RNF24: variants seen among roughly 807,000 people sequenced by gnomAD.
RNF24 encodes ring finger protein 24.
Under a neutral mutation model 20.0 loss-of-function variants are expected in RNF24, and 14 were observed. The ratio of observed to expected loss-of-function variants is 0.70; its 90% confidence interval spans 0.46 to 1.10. RNF24 has a LOEUF of 1.10. Among genes scored for constraint, RNF24 ranks in the 50% least tolerant of loss-of-function variants. The pLI is 0.00. For synonymous variants in RNF24, 45 were observed against 61.1 expected (o/e 0.74, Z 1.23); for missense variants, 124 against 177.6 (o/e 0.70, Z 1.71).
rs2146923165 is a variant in RNF24 at position 3,929,189 on chromosome 20, T to G, written c.*4874A>C. 1 of 151,874 alleles carries G rather than the reference T, an allele frequency of 6.6e-6. No homozygotes were observed. The highest frequency in any genetic ancestry group is 1.5e-5 in the Non-Finnish European group (1 of 67,954). 9.4% of individuals were successfully genotyped at this position (151,874 alleles called of 1,614,324 possible). A position where few individuals can be genotyped will look rare whatever the true frequency, so the allele number is the denominator to read the frequency against. On this transcript the variant is annotated 3_prime_UTR_variant, in exon 6 of 6. Transcript: ENST00000358395. ...TTCTTTTCAAAGTGTGTGCACAGAG[T>G]GAGGAGGCCAGCCTGGGCAACATAG...
At chr20:3,937,270 G>A (rs1476210651) in intron 4 of RNF24, among the ~76,000 whole-genome samples, 1 of 152,062 alleles carries the variant, frequency 6.6e-6, no homozygotes, top group Non-Finnish European at 1.5e-5. Context: ...AAAGTCAATG[G>A]CAATCACAAA....
chr20:3,996,698 T>C (rs1980896075), intron 1 of RNF24, among the ~76,000 whole-genome samples: 1 of 152,186 alleles, frequency 6.6e-6, no homozygotes, highest in Admixed American at 6.6e-5. Flanking sequence ...GCACATGAAG[T>C]TGTCTGGGAA....
intron 2 of RNF24, among the ~76,000 whole-genome samples, chr20:3,962,303 G>A (rs955389682): frequency 6.6e-6 from 1 of 152,266 alleles, no homozygotes; most frequent in East Asian, 1.9e-4. Context: ...GTAGTGAGCA[G>A]AGACTGTGCC....
chr20:3,971,149 T>C (rs1377616198), intron 1 of RNF24, among the ~76,000 whole-genome samples: 1 of 151,982 alleles, frequency 6.6e-6, no homozygotes, highest in African/African-American at 2.4e-5. Context: ...GGAGATACCA[T>C]TGGGGGAAAT....
intron 1 of RNF24, among the ~76,000 whole-genome samples, chr20:3,986,417 A>AT (rs1424725703): frequency 6.6e-6 from 1 of 151,692 alleles, no homozygotes; most frequent in African/African-American, 2.4e-5. Flanking sequence ...ATACTCAGCT[A>AT]TTTTTTGAAT....
At chr20:3,955,605 T>C (rs963106557) in intron 2 of RNF24, among the ~76,000 whole-genome samples, 4 of 152,214 alleles carry the variant, frequency 2.6e-5, no homozygotes, top group African/African-American at 9.6e-5. Flanking sequence ...CTGCTTTGGC[T>C]ATTTGGGGCC....
intron 1 of RNF24, among the ~76,000 whole-genome samples, chr20:3,978,974 C>T (rs1467824061): frequency 6.6e-6 from 1 of 151,496 alleles, no homozygotes; most frequent in African/African-American, 2.4e-5. Context: ...GGCGCGGTGG[C>T]GTGCGCCTGT....
intron 1 of RNF24, among the ~76,000 whole-genome samples, chr20:3,982,792 G>A (rs1979535657): frequency 6.6e-6 from 1 of 152,056 alleles, no homozygotes; most frequent in South Asian, 2.1e-4. Context: ...GGGATGTTGA[G>A]GTGGAAGGAC....
chr20:3,944,988 G>A (rs1395155490), intron 4 of RNF24, among the ~76,000 whole-genome samples, 189 bp downstream of exon 4: 1 of 152,122 alleles, frequency 6.6e-6, no homozygotes, highest in African/African-American at 2.4e-5. Context: ...TTAAAAGTAT[G>A]AGTTATATTA....
intron 1 of RNF24, among the ~76,000 whole-genome samples, chr20:3,983,636 A>G (rs1979619382): frequency 1.3e-5 from 2 of 152,088 alleles, no homozygotes. Flanking sequence ...ATATCACCTA[A>G]AATAATTATA....
At chr20:4,006,979 T>G (rs1981923493) in intron 1 of RNF24, among the ~76,000 whole-genome samples, 1 of 152,250 alleles carries the variant, frequency 6.6e-6, no homozygotes, top group African/African-American at 2.4e-5. Flanking sequence ...CATCTGGCAT[T>G]CTTTTAGAAC....
intron 2 of RNF24, among the ~76,000 whole-genome samples, chr20:3,952,713 T>C (rs1439295598): frequency 6.6e-6 from 1 of 152,126 alleles, no homozygotes; most frequent in Non-Finnish European, 1.5e-5. Context: ...AGATACTCTT[T>C]CAAATTTTAG....
intron 1 of RNF24, among the ~76,000 whole-genome samples, chr20:3,982,460 C>T (rs1158511415): frequency 1.3e-5 from 2 of 151,434 alleles, no homozygotes. Context: ...GCCTGTAATC[C>T]CAGCTACTCG....
intron 1 of RNF24, among the ~76,000 whole-genome samples, chr20:3,969,028 TG>T (rs1183048884): frequency 6.6e-6 from 1 of 152,166 alleles, no homozygotes; most frequent in Admixed American, 6.5e-5. Flanking sequence ...GTCAGTAATT[TG>T]GGGCTTGTTT....
Position 3,934,659 on chromosome 20 carries a change from A to G in RNF24, c.308+335T>C, listed in dbSNP as rs2090868847. On this transcript the variant is annotated intron_variant, in intron 5 of 5. Transcript: ENST00000358395. This position sits in a 1 kb window ranked among gnomAD's most constrained non-coding sequence, Gnocchi z 4.0. ...TATCCAGACTTTATTTTGATTTTAA[A>G]TAACTATGGTTTTGATTTAAATAAG... 1.3e-5 allele frequency among the ~76,000 whole-genome samples: 2 copies of G among 152,230 alleles called. No homozygotes were observed. The highest frequency in any genetic ancestry group is 1.3e-4 in the Admixed American group (2 of 15,288).
At chr20:3,984,684 C>T (rs368917148) in intron 1 of RNF24, among the ~76,000 whole-genome samples, 1 of 152,132 alleles carries the variant, frequency 6.6e-6, no homozygotes, top group East Asian at 1.9e-4. Context: ...CAAGAAATGG[C>T]TGGTGTTCCG....
intron 2 of RNF24, among the ~76,000 whole-genome samples, chr20:3,958,803 G>A (rs1218979008): frequency 6.6e-6 from 1 of 152,086 alleles, no homozygotes; most frequent in African/African-American, 2.4e-5. Context: ...CACCACGCCT[G>A]GTTAATTTTT....
At chr20:3,952,582 G>GT (rs60466405) in intron 2 of RNF24, among the ~76,000 whole-genome samples, 45,863 of 135,472 alleles carry the variant, frequency 0.34, 7,858 homozygotes, top group African/African-American at 0.45. Flanking sequence ...CTTTTTTCCC[G>GT]TTTTTTTTTT....
intron 4 of RNF24, among the ~76,000 whole-genome samples, chr20:3,941,799 G>C (rs1033854396): frequency 6.6e-6 from 1 of 152,148 alleles, no homozygotes. Flanking sequence ...ATGAAGCTGG[G>C]CATGGTGGCT....
Sources: allele counts gnomAD v4.1 joint callset (sites outside exome capture counted in the v4.1 genomes callset), GRCh38; gene constraint gnomAD v4.1.1; non-coding constraint Gnocchi (gnomAD v3.1); transcripts MANE v1.5; gene names NCBI Gene and HGNC (gene_info 2026-07-23, HGNC 2026-07-21).